Variants in PDE7A observed in about 807,000 individuals in gnomAD.
The protein encoded by PDE7A is high affinity 3',5'-cyclic-AMP phosphodiesterase 7A.
In PDE7A, 39 loss-of-function variants were observed where a neutral mutation model predicts 64.3. The observed-to-expected ratio is 0.61, with a 90% CI of 0.47 to 0.79. The LOEUF is 0.79. Among genes scored for constraint, PDE7A ranks in the 30% least tolerant of loss-of-function variants. PDE7A has a pLI of 0.00. For missense variants in PDE7A, 470 were observed against 582.8 expected, an observed-to-expected ratio of 0.81 and a Z score of 1.99; for synonymous variants, 203 against 206.8, an observed-to-expected ratio of 0.98 and a Z score of 0.16.
At chr8:65,723,108 G>A (rs1251688654) in intron 12 of PDE7A, 1 of 153,704 alleles carries the variant, frequency 6.5e-6, no homozygotes. Flanking sequence ...AACAGGCAGT[G>A]GTAAGAGTCT....
chr8:65,831,831 A>G (rs965593312), intron 1 of PDE7A, among the ~76,000 whole-genome samples: 1 of 152,092 alleles, frequency 6.6e-6, no homozygotes, highest in African/African-American at 2.4e-5. Flanking sequence ...TCCAAATACA[A>G]CTCACTTGAC....
intron 1 of PDE7A, among the ~76,000 whole-genome samples, chr8:65,833,914 G>A (rs1810892130): frequency 6.6e-6 from 1 of 152,120 alleles, no homozygotes; most frequent in Non-Finnish European, 1.5e-5. Context: ...TACTGCCATT[G>A]CACTCTAGCC....
At chr8:65,801,603 TA>T (rs139916463) in intron 1 of PDE7A, among the ~76,000 whole-genome samples, 8,725 of 149,056 alleles carry the variant, frequency 0.059, 359 homozygotes, top group Middle Eastern at 0.11. Flanking sequence ...TACACTCATT[TA>T]AAAAAAAAAC....
chr8:65,784,352 A>C (rs537859643), intron 1 of PDE7A, among the ~76,000 whole-genome samples: 157 of 152,310 alleles, frequency 1.0e-3, no homozygotes, highest in Non-Finnish European at 2.1e-3. Context: ...AGGACTTAGA[A>C]TCTGTGGAGG....
intron 1 of PDE7A, among the ~76,000 whole-genome samples, chr8:65,828,589 C>T (rs1441637107): frequency 2.0e-5 from 3 of 152,054 alleles, no homozygotes; most frequent in African/African-American, 4.8e-5. Flanking sequence ...TTTGCAATTG[C>T]CCCTTTGGAC....
chr8:65,785,912 AT>A (rs1809543820), intron 1 of PDE7A, among the ~76,000 whole-genome samples: 1 of 152,194 alleles, frequency 6.6e-6, no homozygotes, highest in Non-Finnish European at 1.5e-5. Flanking sequence ...CACTTCACAC[AT>A]TAAGGATTGT....
At chr8:65,772,841 T>A (rs1277709343) in intron 3 of PDE7A, among the ~76,000 whole-genome samples, 3 of 151,722 alleles carry the variant, frequency 2.0e-5, no homozygotes. Context: ...CTATCTTTAA[T>A]AAAAATACAA....
intron 1 of PDE7A, among the ~76,000 whole-genome samples, chr8:65,826,446 G>A (rs1336612667): frequency 6.6e-6 from 1 of 152,140 alleles, no homozygotes; most frequent in Admixed American, 6.6e-5. Context: ...ATCTCACTTC[G>A]TAAAACATCC....
intron 1 of PDE7A, among the ~76,000 whole-genome samples, chr8:65,813,989 T>C (rs1359696941): frequency 6.6e-6 from 1 of 152,244 alleles, no homozygotes. Flanking sequence ...TTCTCTTTTA[T>C]TAAAATTGCT....
At chr8:65,802,929 A>G (rs575985463) in intron 1 of PDE7A, among the ~76,000 whole-genome samples, 1 of 152,120 alleles carries the variant, frequency 6.6e-6, no homozygotes, top group East Asian at 1.9e-4. Flanking sequence ...GTCGTTTTAA[A>G]AGTGTGTGGC....
chr8:65,741,364 TATAATA>T (rs1214956532), intron 5 of PDE7A, among the ~76,000 whole-genome samples: 3 of 152,296 alleles, frequency 2.0e-5, no homozygotes, highest in South Asian at 2.1e-4. Context: ...ATTGAAAATT[TATAATA>T]ATAATATTTA....
At position 65,798,429 on chromosome 8, in the gene PDE7A, CGAACTCCT is replaced by C. The variant is rs1809911876; in HGVS notation, c.139-15594_139-15587del. 2.0e-5 allele frequency among the ~76,000 whole-genome samples: 3 copies of C among 151,792 alleles called. 1 individual carries two copies. The highest frequency in any genetic ancestry group is 7.3e-5 in the African/African-American group (3 of 41,270). On this transcript the variant is annotated intron_variant, in intron 1 of 12. Coordinates refer to ENST00000401827, the MANE Select transcript of PDE7A (RefSeq NM_001242318.3). ...TTCACCATGTTGGCCAGGCTGGTCTCGAACTCCTGAGTTCAGGTGATCCACCCGCCTCG... is the reference window on the plus strand; with the variant it reads ...TTCACCATGTTGGCCAGGCTGGTCTCGAGTTCAGGTGATCCACCCGCCTCG...
chr8:65,725,975 G>A (rs576294499), intron 9 of PDE7A, among the ~76,000 whole-genome samples: 7 of 152,170 alleles, frequency 4.6e-5, no homozygotes, highest in African/African-American at 9.6e-5. Flanking sequence ...AATGGTATCC[G>A]TGAATAAAGA....
chr8:65,804,127 C>T (rs1810058892), intron 1 of PDE7A, among the ~76,000 whole-genome samples: 1 of 152,180 alleles, frequency 6.6e-6, no homozygotes, highest in African/African-American at 2.4e-5. Flanking sequence ...AAACTGCATA[C>T]ACCAGCACTT....
At chr8:65,824,428 G>A (rs967558474) in intron 1 of PDE7A, among the ~76,000 whole-genome samples, 40 of 152,148 alleles carry the variant, frequency 2.6e-4, no homozygotes, top group African/African-American at 9.4e-4. Context: ...ACATAAACTT[G>A]GTTGATAAAG....
In PDE7A at chr8:65,755,307, C is replaced by T. The variant is rs184210358; in HGVS notation, c.284-7504G>A. 5.5e-3 allele frequency among the ~76,000 whole-genome samples: 839 copies of T among 152,256 alleles called. 5 individuals are homozygous for T. Among genetic ancestry groups the T allele is most frequent in the Non-Finnish European group, 9.7e-3 (660 of 68,014 alleles). On this transcript the variant is annotated intron_variant, in intron 3 of 12. Coordinates refer to ENST00000401827, the MANE Select transcript of PDE7A (RefSeq NM_001242318.3). The stretch of plus-strand genomic sequence containing the variant: ...AAGTGCTGGGATTACAGGCATGAGC[C>T]ATCATGCCCGGCCCATTATTGCCTT...
chr8:65,729,837 G>A (rs1806774141), intron 7 of PDE7A, among the ~76,000 whole-genome samples: 1 of 151,920 alleles, frequency 6.6e-6, no homozygotes, highest in Non-Finnish European at 1.5e-5. Context: ...CCAAAGTGCT[G>A]GAATCACAGG....
intron 3 of PDE7A, among the ~76,000 whole-genome samples, chr8:65,766,036 C>CT (rs1253839086): frequency 6.6e-6 from 1 of 152,228 alleles, no homozygotes; most frequent in Non-Finnish European, 1.5e-5. Context: ...ACCTCCGCCT[C>CT]TTGGGTTCAT....
intron 12 of PDE7A, 133 bp downstream of exon 12, chr8:65,723,408 G>A: frequency 1.1e-6 from 1 of 892,654 alleles, no homozygotes; most frequent in East Asian, 3.7e-5. Flanking sequence ...GAAAACAAGG[G>A]TAAAATTTCT....
Sources: allele counts gnomAD v4.1 joint callset (sites outside exome capture counted in the v4.1 genomes callset), GRCh38; gene constraint gnomAD v4.1.1; transcripts MANE v1.5; gene names NCBI Gene and HGNC (gene_info 2026-07-23, HGNC 2026-07-21).